Variants in KLHL29 observed in about 807,000 individuals in gnomAD.
KLHL29 encodes the protein kelch like family member 29.
A neutral mutation model predicts 80.4 loss-of-function variants in KLHL29; 21 were observed. The observed-to-expected ratio is 0.26, with a 90% CI of 0.19 to 0.38. KLHL29 has a LOEUF of 0.38. Ranked by LOEUF, KLHL29 falls within the 10% of genes least tolerant of loss-of-function variation. The pLI, the probability that KLHL29 is intolerant of heterozygous loss-of-function variation, is 1.00. For synonymous variants in KLHL29, 511 were observed against 526.8 expected, an observed-to-expected ratio of 0.97 and a Z score of 0.41; for missense variants, 867 against 1,223.9, an observed-to-expected ratio of 0.71 and a Z score of 4.35.
At chr2:23,536,858 C>T (rs1444346522) in intron 2 of KLHL29, among the ~76,000 whole-genome samples, 1 of 151,646 alleles carries the variant, frequency 6.6e-6, no homozygotes, top group Non-Finnish European at 1.5e-5. Context: ...TTCTGGTTCC[C>T]TTCCTACTAA....
chr2:23,422,135 TTGTG>T (rs1662832222), intron 1 of KLHL29, among the ~76,000 whole-genome samples: 1 of 151,110 alleles, frequency 6.6e-6, no homozygotes, highest in Non-Finnish European at 1.5e-5. Flanking sequence ...TCTTTGTGTG[TTGTG>T]TGTGTCTGTG....
At chr2:23,404,815 A>C (rs1666686359) in intron 1 of KLHL29, among the ~76,000 whole-genome samples, 1 of 152,206 alleles carries the variant, frequency 6.6e-6, no homozygotes, top group African/African-American at 2.4e-5. Context: ...GGACCAAAGG[A>C]ATCCTTTGCA....
At chr2:23,413,307 C>T (rs1666909123) in intron 1 of KLHL29, among the ~76,000 whole-genome samples, 1 of 132,618 alleles carries the variant, frequency 7.5e-6, no homozygotes, top group Admixed American at 7.2e-5. Context: ...TGAAGCCAAC[C>T]ATGGGGCCAG....
intron 1 of KLHL29, among the ~76,000 whole-genome samples, chr2:23,397,512 T>C (rs1053822301): frequency 3.3e-5 from 5 of 152,258 alleles, no homozygotes; most frequent in Non-Finnish European, 7.3e-5. Context: ...CCTTCCCGAA[T>C]GCCTGGTCTC....
chr2:23,705,171 A>AGCAT (rs1407469959), intron 13 of KLHL29, among the ~76,000 whole-genome samples: 4 of 152,188 alleles, frequency 2.6e-5, no homozygotes, highest in Admixed American at 1.3e-4. Flanking sequence ...ACTTGGGAGG[A>AGCAT]TGCTCGCACC....
chr2:23,506,019 A>AG (rs1157141540), intron 2 of KLHL29, among the ~76,000 whole-genome samples: 1 of 152,194 alleles, frequency 6.6e-6, no homozygotes, highest in Non-Finnish European at 1.5e-5. Flanking sequence ...CCCGACCACG[A>AG]GGACCATGCT....
At chr2:23,431,845 C>A (rs1183536191) in intron 1 of KLHL29, among the ~76,000 whole-genome samples, 2 of 145,996 alleles carry the variant, frequency 1.4e-5, no homozygotes, top group African/African-American at 2.6e-5. Context: ...AGTAGTCAGC[C>A]GAGCCGAGAT....
At chr2:23,536,212 C>T (rs767441099) in intron 2 of KLHL29, among the ~76,000 whole-genome samples, 3 of 152,194 alleles carry the variant, frequency 2.0e-5, no homozygotes, top group Non-Finnish European at 2.9e-5. Context: ...CCATCTGACT[C>T]TCTCGGGCAA....
rs1662691746 is a variant in KLHL29, at chr2:23,418,912, T to C, written c.-154+33132T>C. 2.0e-5 allele frequency among the ~76,000 whole-genome samples: 3 copies of C among 152,204 alleles called. No individual in the cohort carries two copies. The South Asian group carries it at 6.2e-4, about 32-fold the overall frequency. ...TAGTGCCCATGTTAGGCTTGACTTA[T>C]TGGCACATGAGTTCCACAAGGTGCC... On this transcript the variant is annotated intron_variant, in intron 1 of 13. Coordinates refer to ENST00000486442, the MANE Select transcript of KLHL29 (RefSeq NM_052920.2).
intron 2 of KLHL29, among the ~76,000 whole-genome samples, chr2:23,513,988 G>C (rs1298163723): frequency 6.6e-6 from 1 of 152,180 alleles, no homozygotes; most frequent in Non-Finnish European, 1.5e-5. Context: ...CTTCTAAGGA[G>C]TAATGCTGAA....
intron 2 of KLHL29, among the ~76,000 whole-genome samples, chr2:23,539,934 GTCCC>G (rs1231778571): frequency 6.6e-6 from 1 of 152,060 alleles, no homozygotes; most frequent in African/African-American, 2.4e-5. Flanking sequence ...AGCAACCTTC[GTCCC>G]ATCGTTCCAC....
Position 23,695,857 on chromosome 2 carries a change from A to C in KLHL29, c.1741+36A>C. On this transcript the variant is annotated intron_variant, in intron 9 of 13. Coordinates refer to ENST00000486442, the MANE Select transcript of KLHL29 (RefSeq NM_052920.2). This position sits in a 1 kb window ranked among gnomAD's most constrained non-coding sequence, Gnocchi z 7.6. ...GCACGCCCCGAACCTCCCAAGAAGC[A>C]GTGTCTTGGGCTCAGTGGTTCCAGT... 1 of 1,538,292 alleles carries C rather than the reference A, an allele frequency of 6.5e-7. No homozygotes were observed. Among genetic ancestry groups the C allele is most frequent in the East Asian group, 2.4e-5 (1 of 40,846 alleles).
At chr2:23,523,648 C>A (rs892049262) in intron 2 of KLHL29, among the ~76,000 whole-genome samples, 4 of 152,204 alleles carry the variant, frequency 2.6e-5, no homozygotes. Flanking sequence ...TACTTCCCAG[C>A]TGCCTTTGCC....
At chr2:23,651,917 A>G (rs967253246) in intron 5 of KLHL29, among the ~76,000 whole-genome samples, 1 of 152,178 alleles carries the variant, frequency 6.6e-6, no homozygotes, top group Non-Finnish European at 1.5e-5. Context: ...GACCCACCCT[A>G]TGACCTCATT....
intron 2 of KLHL29, among the ~76,000 whole-genome samples, chr2:23,498,556 G>C (rs1239310055): frequency 6.6e-6 from 1 of 152,234 alleles, no homozygotes; most frequent in African/African-American, 2.4e-5. Context: ...TTGGGGAGCA[G>C]ACTGGAAGAA....
At chr2:23,599,310 G>A (rs1385533567) in intron 3 of KLHL29, among the ~76,000 whole-genome samples, 1 of 152,086 alleles carries the variant, frequency 6.6e-6, no homozygotes, top group East Asian at 1.9e-4. Flanking sequence ...GCCCTTACAA[G>A]TTGGTGTAGA....
intron 5 of KLHL29, among the ~76,000 whole-genome samples, chr2:23,654,854 G>T (rs1198497989): frequency 2.6e-5 from 4 of 152,226 alleles, no homozygotes; most frequent in Non-Finnish European, 4.4e-5. Flanking sequence ...AGCTGGTAAC[G>T]TGAGAGTCAT....
chr2:23,432,062 C>T (rs1212974262), intron 1 of KLHL29, among the ~76,000 whole-genome samples: 2 of 152,176 alleles, frequency 1.3e-5, no homozygotes, highest in South Asian at 4.1e-4. Flanking sequence ...ATCACCATTT[C>T]TCGAAGTTTC....
chr2:23,668,202 T>C (rs1670606905), intron 5 of KLHL29: 1 of 152,240 alleles, frequency 6.6e-6, no homozygotes, highest in African/African-American at 2.4e-5. Flanking sequence ...ACCCTGTCCA[T>C]TCAAGACCCA....
Sources: gnomAD v4.1 joint callset for allele counts (sites outside exome capture counted in the v4.1 genomes callset) on GRCh38, gnomAD v4.1.1 for gene constraint, Gnocchi (gnomAD v3.1) non-coding constraint, MANE v1.5 for transcripts, NCBI Gene and HGNC (gene_info 2026-07-23, HGNC 2026-07-21) for gene names.